LHFPL3: variants seen among roughly 807,000 people sequenced by gnomAD.
LHFPL3 encodes the protein LHFPL tetraspan subfamily member 3, also known as LHFPL tetraspan subfamily member 3 protein.
A neutral mutation model predicts 19.3 loss-of-function variants in LHFPL3; 5 were observed. That is an observed-to-expected ratio of 0.26 (90% CI 0.14 to 0.54). LHFPL3 has a LOEUF of 0.54. Among genes scored for constraint, LHFPL3 ranks in the 20% least tolerant of loss-of-function variants. The probability of loss-of-function intolerance (pLI) is 0.94; values close to 1 mark genes in which losing one functional copy is unlikely to be tolerated. For missense variants in LHFPL3, 249 were observed against 307.4 expected (o/e 0.81, Z 1.42); for synonymous variants, 133 against 126.2 (o/e 1.05, Z -0.36).
intron 1 of LHFPL3, among the ~76,000 whole-genome samples, chr7:104,504,632 G>T (rs1793661817): frequency 6.6e-6 from 1 of 152,092 alleles, no homozygotes; most frequent in African/African-American, 2.4e-5. Flanking sequence ...GGGTCTCAGG[G>T]TTGATTCCAA....
chr7:104,737,491 T>G (rs1408183347), intron 2 of LHFPL3, among the ~76,000 whole-genome samples: 2 of 152,224 alleles, frequency 1.3e-5, no homozygotes, highest in Non-Finnish European at 2.9e-5. Flanking sequence ...GTCCTCAGAT[T>G]TCTTTTCCAA....
At chr7:104,583,063 C>A (rs1584416850) in intron 1 of LHFPL3, among the ~76,000 whole-genome samples, 2 of 152,060 alleles carry the variant, frequency 1.3e-5, no homozygotes, top group Non-Finnish European at 2.9e-5. Flanking sequence ...TCACCAGTAC[C>A]ATGCTGTTTT....
At chr7:104,701,066 CTG>C (rs2116174104) in intron 1 of LHFPL3, among the ~76,000 whole-genome samples, 1 of 152,282 alleles carries the variant, frequency 6.6e-6, no homozygotes, top group African/African-American at 2.4e-5. Flanking sequence ...AACTTTGAGT[CTG>C]TATGCCTGTG....
chr7:104,611,561 C>T (rs1247899372), intron 1 of LHFPL3, among the ~76,000 whole-genome samples: 6 of 152,020 alleles, frequency 3.9e-5, no homozygotes, highest in Non-Finnish European at 8.8e-5. Context: ...TAGCTCAACT[C>T]AGAAAGTTGG....
intron 1 of LHFPL3, among the ~76,000 whole-genome samples, chr7:104,664,850 T>C (rs1364143685): frequency 6.6e-6 from 1 of 152,174 alleles, no homozygotes; most frequent in Non-Finnish European, 1.5e-5. Context: ...GTCCCATGGC[T>C]TAGATGGGAC....
In LHFPL3 at chr7:104,331,157, G is replaced by T. The variant is rs186835279; in HGVS notation, c.445+1933G>T. 2.8e-3 allele frequency among the ~76,000 whole-genome samples: 426 copies of T among 152,228 alleles called. 1 individual carries two copies. The highest frequency in any genetic ancestry group is 5.1e-3 in the Non-Finnish European group (344 of 68,006). ...TAATACAAACTGCAACCATTACAAG[G>T]TTTTTTTGTTTTGTTTCGTTTTTCT... On this transcript the variant is annotated intron_variant, in intron 1 of 2. Coordinates refer to ENST00000424859, the MANE Select transcript of LHFPL3 (RefSeq NM_199000.3).
At chr7:104,338,372 T>A (rs967255281) in intron 1 of LHFPL3, among the ~76,000 whole-genome samples, 3 of 152,144 alleles carry the variant, frequency 2.0e-5, no homozygotes, top group Non-Finnish European at 4.4e-5. Context: ...GTGCTGGGAT[T>A]GCAGATGTGA....
chr7:104,754,584 G>A (rs1376648564), intron 2 of LHFPL3, among the ~76,000 whole-genome samples: 2 of 152,196 alleles, frequency 1.3e-5, no homozygotes, highest in Non-Finnish European at 1.5e-5. Flanking sequence ...CCATAGTGAG[G>A]TTTAAAACAC....
chr7:104,390,627 AG>A (rs1488698045), intron 1 of LHFPL3, among the ~76,000 whole-genome samples: 24 of 152,216 alleles, frequency 1.6e-4, no homozygotes, highest in Non-Finnish European at 2.9e-4. Context: ...TATTGTGAAT[AG>A]TGCCACAATA....
chr7:104,367,452 T>G, intron 1 of LHFPL3, among the ~76,000 whole-genome samples: 1 of 152,208 alleles, frequency 6.6e-6, no homozygotes, highest in Non-Finnish European at 1.5e-5. Flanking sequence ...GTACTCAAAC[T>G]TCTGTGTATT....
chr7:104,902,874 G>A (rs1228709005), intron 2 of LHFPL3, among the ~76,000 whole-genome samples: 1 of 152,220 alleles, frequency 6.6e-6, no homozygotes, highest in Non-Finnish European at 1.5e-5. Context: ...GACCAGAGCA[G>A]ATTCAAGAAG....
chr7:104,387,954 T>C (rs898997866), intron 1 of LHFPL3, among the ~76,000 whole-genome samples: 1 of 152,170 alleles, frequency 6.6e-6, no homozygotes, highest in Non-Finnish European at 1.5e-5. Flanking sequence ...CCTTCCACCC[T>C]CAAGTAGGCC....
intron 1 of LHFPL3, among the ~76,000 whole-genome samples, chr7:104,389,993 CA>C (rs1448927242): frequency 2.0e-5 from 3 of 151,750 alleles, no homozygotes; most frequent in Non-Finnish European, 4.4e-5. Context: ...CAAACAACAA[CA>C]AAAATAAATA....
chr7:104,525,434 A>T (rs1181016258), intron 1 of LHFPL3, among the ~76,000 whole-genome samples: 2 of 152,064 alleles, frequency 1.3e-5, no homozygotes, highest in East Asian at 3.8e-4. Flanking sequence ...CAGAAACCCA[A>T]GTCAGTTAAT....
At chr7:104,712,674 A>C (rs986654622) in intron 1 of LHFPL3, among the ~76,000 whole-genome samples, 2 of 152,224 alleles carry the variant, frequency 1.3e-5, no homozygotes, top group African/African-American at 4.8e-5. Context: ...TAGAGTTTTC[A>C]GAACAGAATG....
intron 1 of LHFPL3, among the ~76,000 whole-genome samples, chr7:104,521,776 A>G (rs1414989534): frequency 6.6e-6 from 1 of 152,246 alleles, no homozygotes; most frequent in Non-Finnish European, 1.5e-5. Context: ...GCCAAAAAAC[A>G]CATGAAAAAA....
chr7:104,374,771 A>G (rs749434392), intron 1 of LHFPL3, among the ~76,000 whole-genome samples: 1 of 152,156 alleles, frequency 6.6e-6, no homozygotes, highest in Non-Finnish European at 1.5e-5. Flanking sequence ...AACCTACTAG[A>G]AGTGTGAGTT....
chr7:104,758,449 G>C lies in LHFPL3; in HGVS notation c.682+21538G>C, dbSNP rs79793573. On this transcript the variant is annotated intron_variant, in intron 2 of 2. Transcript: ENST00000424859. ...AACATAATCATGGCTGTATAGAGGG[G>C]CTTGTCATTTATAGCAATTTTAGTT... is the stretch of plus-strand genomic sequence containing the variant. 4.5e-3 allele frequency among the ~76,000 whole-genome samples: 692 copies of C among 152,222 alleles called. 29 individuals are homozygous for C. In the East Asian group the frequency reaches 0.1, roughly 22 times the overall value.
At chr7:104,582,647 T>G (rs1356212771) in intron 1 of LHFPL3, among the ~76,000 whole-genome samples, 1 of 152,004 alleles carries the variant, frequency 6.6e-6, no homozygotes, top group African/African-American at 2.4e-5. Flanking sequence ...AGCATCTGTT[T>G]TGAATGGGTG....
Sources: gnomAD v4.1 joint callset for allele counts (sites outside exome capture counted in the v4.1 genomes callset) on GRCh38, gnomAD v4.1.1 for gene constraint, MANE v1.5 for transcripts, NCBI Gene and HGNC (gene_info 2026-07-23, HGNC 2026-07-21) for gene names.